Variants in NAB1 observed in about 807,000 individuals in gnomAD.
NAB1 encodes the protein NGFI-A-binding protein 1.
In NAB1, 25 loss-of-function variants were observed where a neutral mutation model predicts 49.9. The observed-to-expected ratio is 0.50, with a 90% CI of 0.37 to 0.70. The LOEUF (loss-of-function observed/expected upper bound fraction) is 0.70. Ranked by LOEUF, NAB1 falls within the 30% of genes least tolerant of loss-of-function variation. The probability of loss-of-function intolerance (pLI) is 0.00; values close to 1 mark genes in which losing one functional copy is unlikely to be tolerated. For missense variants in NAB1, 489 were observed against 575.9 expected (o/e 0.85, Z 1.54); for synonymous variants, 198 against 215.6 (o/e 0.92, Z 0.71).
At chr2:190,656,358 C>T (rs1299097682) in intron 3 of NAB1, among the ~76,000 whole-genome samples, 3 of 152,154 alleles carry the variant, frequency 2.0e-5, no homozygotes, top group Non-Finnish European at 1.5e-5. Flanking sequence ...TTTCAAATCA[C>T]ATCAAGTTCA....
At chr2:190,671,461 C>T (rs1016719200) in intron 5 of NAB1, among the ~76,000 whole-genome samples, 1 of 152,068 alleles carries the variant, frequency 6.6e-6, no homozygotes, top group Admixed American at 6.6e-5. Context: ...TAAGAATATA[C>T]AGCAACATTC....
At chr2:190,661,501 G>A (rs1166764802) in intron 4 of NAB1, among the ~76,000 whole-genome samples, 2 of 152,002 alleles carry the variant, frequency 1.3e-5, no homozygotes, top group Non-Finnish European at 2.9e-5. Context: ...AAGTTGAGTC[G>A]AAATACATGT....
chr2:190,682,166 G>T lies in NAB1; in HGVS notation c.1006-1572G>T, dbSNP rs550868435. Among the ~76,000 whole-genome samples, 2 of 152,316 alleles carry T rather than the reference G, an allele frequency of 1.3e-5. No homozygotes were observed. The highest frequency in any genetic ancestry group is 3.9e-4 in the East Asian group (2 of 5,184). ...GTAATTTAAGTTGAAGTTTTATCCA[G>T]TGCCCCCAGATAGGCCCTATTTATT... On this transcript the variant is annotated intron_variant, in intron 6 of 9. Transcript: ENST00000337386. This position sits in a 1 kb window ranked among gnomAD's most constrained non-coding sequence, Gnocchi z 4.1.
At position 190,654,420 on chromosome 2, in the gene NAB1, A is replaced by C. The variant is rs369411854; in HGVS notation, c.-196-1557A>C. Among the ~76,000 whole-genome samples, 6 of 152,296 alleles carry C rather than the reference A, an allele frequency of 3.9e-5. No individual in the cohort carries two copies. Among genetic ancestry groups the C allele is most frequent in the Admixed American group, 1.3e-4 (2 of 15,292 alleles). ...AGACAAAGTGTTGCGGGGTTCAGAGAAGGGAGATGACAGCTGCAGCCAGGG... is the reference window on the plus strand; with the variant it reads ...AGACAAAGTGTTGCGGGGTTCAGAGCAGGGAGATGACAGCTGCAGCCAGGG... On this transcript the variant is annotated intron_variant, in intron 2 of 9. Coordinates refer to ENST00000337386, the MANE Select transcript of NAB1 (RefSeq NM_005966.4). The surrounding 1 kb of genome is among the most constrained non-coding windows in gnomAD (Gnocchi z 5.6).
Position 190,669,911 on chromosome 2 carries a change from G to C in NAB1, c.820-415G>C, listed in dbSNP as rs1694718381. 6.6e-6 allele frequency among the ~76,000 whole-genome samples: 1 copy of C among 152,096 alleles called. No homozygotes were observed. Among genetic ancestry groups the C allele is most frequent in the South Asian group, 2.1e-4 (1 of 4,830 alleles). The stretch of plus-strand genomic sequence containing the variant: ...TTGATTCCTTTTTAAGAATTTTCAT[G>C]TCAGTTCATAAAAAATCTGTCAGAC... On this transcript the variant is annotated intron_variant, in intron 4 of 9. Coordinates refer to ENST00000337386, the MANE Select transcript of NAB1 (RefSeq NM_005966.4). The surrounding 1 kb of genome is among the most constrained non-coding windows in gnomAD (Gnocchi z 4.3).
At position 190,682,442 on chromosome 2, in the gene NAB1, A is replaced by G. The variant is rs1447992099; in HGVS notation, c.1006-1296A>G. Among the ~76,000 whole-genome samples the G allele has an allele frequency of 1.3e-5, 2 of 152,212 alleles. No homozygotes were observed. The highest frequency in any genetic ancestry group is 2.9e-5 in the Non-Finnish European group (2 of 68,040). ...TCCATTTCCTGTCATAGGTTATGAT[A>G]AAGGTGAAATCGCAAGCCAACATGA... On this transcript the variant is annotated intron_variant, in intron 6 of 9. Transcript: ENST00000337386. This position sits in a 1 kb window ranked among gnomAD's most constrained non-coding sequence, Gnocchi z 4.1.
Position 190,649,888 on chromosome 2 carries a change from C to A in NAB1, c.-291C>A. On this transcript the variant is annotated 5_prime_UTR_variant, in exon 2 of 10. Transcript: ENST00000337386. This position sits in a 1 kb window ranked among gnomAD's most constrained non-coding sequence, Gnocchi z 6.1. ...ATGGAAGTGGCTTACAGAAACTTGGCGCTGAGGTGCAGGGAAGCCAGAAAC... is the reference window on the plus strand; with the variant it reads ...ATGGAAGTGGCTTACAGAAACTTGGAGCTGAGGTGCAGGGAAGCCAGAAAC... 1 of 152,280 alleles carries A rather than the reference C, an allele frequency of 6.6e-6. No individual in the cohort carries two copies. 9.4% of individuals were successfully genotyped at this position (152,280 alleles called of 1,614,324 possible). A position where few individuals can be genotyped will look rare whatever the true frequency, so the allele number is the denominator to read the frequency against.
chr2:190,663,859 T>C lies in NAB1; in HGVS notation c.819+3864T>C, dbSNP rs1466717902. The stretch of plus-strand genomic sequence containing the variant: ...CAATTTTAATTATTTTTATGATTTC[T>C]GACCATGTGTTATTTAAAAGTGTTT... On this transcript the variant is annotated intron_variant, in intron 4 of 9. Transcript: ENST00000337386. The surrounding 1 kb of genome is among the most constrained non-coding windows in gnomAD (Gnocchi z 4.2). Among the ~76,000 whole-genome samples the C allele has an allele frequency of 1.3e-5, 2 of 152,230 alleles. No homozygotes were observed. Among genetic ancestry groups the C allele is most frequent in the Non-Finnish European group, 2.9e-5 (2 of 68,038 alleles).
chr2:190,658,692 C>T (rs904568838), intron 3 of NAB1, among the ~76,000 whole-genome samples: 1 of 152,166 alleles, frequency 6.6e-6, no homozygotes, highest in Non-Finnish European at 1.5e-5. Flanking sequence ...ATAACTGTAC[C>T]TGTGTCACAG....
At chr2:190,653,083 G>A (rs1304025839) in intron 2 of NAB1, among the ~76,000 whole-genome samples, 1 of 152,182 alleles carries the variant, frequency 6.6e-6, no homozygotes, top group Non-Finnish European at 1.5e-5. Flanking sequence ...CCCTGACACA[G>A]AGGCTCATCC....
rs1216342754 is a variant in NAB1 at position 190,682,920 on chromosome 2, T to A, written c.1006-818T>A. 6.6e-6 allele frequency among the ~76,000 whole-genome samples: 1 copy of A among 152,174 alleles called. No individual in the cohort carries two copies. The highest frequency in any genetic ancestry group is 1.9e-4 in the East Asian group (1 of 5,200). Reference sequence around the variant, plus strand: ...ACAAAAATATCATCTCTGCAGTAATTCTGCTTCTGGGAATCTTTTGTAGTA... The same window carrying A: ...ACAAAAATATCATCTCTGCAGTAATACTGCTTCTGGGAATCTTTTGTAGTA... On this transcript the variant is annotated intron_variant, in intron 6 of 9. Coordinates refer to ENST00000337386, the MANE Select transcript of NAB1 (RefSeq NM_005966.4). The surrounding 1 kb of genome is among the most constrained non-coding windows in gnomAD (Gnocchi z 4.1).
chr2:190,689,557 C>T lies in NAB1; in HGVS notation c.1376-688C>T, dbSNP rs996873223. Among the ~76,000 whole-genome samples the T allele has an allele frequency of 2.6e-5, 4 of 152,026 alleles. No homozygotes were observed. Among genetic ancestry groups the T allele is most frequent in the Admixed American group, 2.0e-4 (3 of 15,278 alleles). ...TGTATATGTGTGTGTACATATCTCCCAGTATTTGTACTTTACATAAAGGTT... is the reference window on the plus strand; with the variant it reads ...TGTATATGTGTGTGTACATATCTCCTAGTATTTGTACTTTACATAAAGGTT... On this transcript the variant is annotated intron_variant, in intron 9 of 9. Transcript: ENST00000337386. This position sits in a 1 kb window ranked among gnomAD's most constrained non-coding sequence, Gnocchi z 4.3.
Position 190,675,894 on chromosome 2 carries a change from A to G in NAB1, c.1005+2742A>G, listed in dbSNP as rs1695045801. ...TGTGTGTATGTATACCTACACATGT[A>G]GATGGTGTAATCCTTTGCAAAATAT... On this transcript the variant is annotated intron_variant, in intron 6 of 9. Transcript: ENST00000337386. This position sits in a 1 kb window ranked among gnomAD's most constrained non-coding sequence, Gnocchi z 5.2. 2.0e-5 allele frequency among the ~76,000 whole-genome samples: 3 copies of G among 152,168 alleles called. No homozygotes were observed. Among genetic ancestry groups the G allele is most frequent in the African/African-American group, 7.2e-5 (3 of 41,436 alleles).
In NAB1 at chr2:190,678,048, G is replaced by T. The variant is rs1306247167; in HGVS notation, c.1005+4896G>T. On this transcript the variant is annotated intron_variant, in intron 6 of 9. Transcript: ENST00000337386. This position sits in a 1 kb window ranked among gnomAD's most constrained non-coding sequence, Gnocchi z 4.9. ...AGTTTTGAGTAGAAAATTTAACAAT[G>T]TAAATTACAAAATATTTAAATATAA... 6.6e-6 allele frequency among the ~76,000 whole-genome samples: 1 copy of T among 152,186 alleles called. No homozygotes were observed. The highest frequency in any genetic ancestry group is 6.5e-5 in the Admixed American group (1 of 15,288).
In NAB1 at chr2:190,675,337, A is replaced by G. The variant is rs1307511847; in HGVS notation, c.1005+2185A>G. ...ATTGAAATTTGTGATCATGAATCTCATGGACTGTTTGAGCTGCAGTTGTTT... is the reference window on the plus strand; with the variant it reads ...ATTGAAATTTGTGATCATGAATCTCGTGGACTGTTTGAGCTGCAGTTGTTT... On this transcript the variant is annotated intron_variant, in intron 6 of 9. Transcript: ENST00000337386. The surrounding 1 kb of genome is among the most constrained non-coding windows in gnomAD (Gnocchi z 5.2). Among the ~76,000 whole-genome samples, 1 of 151,998 alleles carries G rather than the reference A, an allele frequency of 6.6e-6. No homozygotes were observed. The highest frequency in any genetic ancestry group is 1.5e-5 in the Non-Finnish European group (1 of 67,944).
intron 4 of NAB1, among the ~76,000 whole-genome samples, chr2:190,668,931 TAAC>T (rs1438283276): frequency 6.6e-6 from 1 of 152,174 alleles, no homozygotes; most frequent in East Asian, 1.9e-4. Context: ...AGCAAGAGAT[TAAC>T]AACAATAACT....
Position 190,684,641 on chromosome 2 carries a change from A to G in NAB1, c.1095+814A>G, listed in dbSNP as rs1385513596. Among the ~76,000 whole-genome samples, 2 of 152,168 alleles carry G rather than the reference A, an allele frequency of 1.3e-5. No homozygotes were observed. Among genetic ancestry groups the G allele is most frequent in the Admixed American group, 1.3e-4 (2 of 15,278 alleles). On this transcript the variant is annotated intron_variant, in intron 7 of 9. Transcript: ENST00000337386. This position sits in a 1 kb window ranked among gnomAD's most constrained non-coding sequence, Gnocchi z 4.6. The stretch of plus-strand genomic sequence containing the variant: ...CCTACTGATTTTTACATTGTGAATC[A>G]GGGCATTTTGTAACCAATTTTATAT...
At position 190,677,522 on chromosome 2, in the gene NAB1, A is replaced by C. The variant is rs1695131590; in HGVS notation, c.1005+4370A>C. The C allele has an allele frequency of 6.6e-6, 1 of 152,250 alleles. No homozygotes were observed. Among genetic ancestry groups the C allele is most frequent in the Admixed American group, 6.5e-5 (1 of 15,284 alleles). The allele number at this position is 152,250 out of a possible 1,614,324, so 9.4% of individuals were successfully genotyped here. The stretch of plus-strand genomic sequence containing the variant: ...CCCTCTGTGAGTCCACTTTCAGCTG[A>C]AATGAAAATAGATTTTGTTTATTCT... On this transcript the variant is annotated intron_variant, in intron 6 of 9. Coordinates refer to ENST00000337386, the MANE Select transcript of NAB1 (RefSeq NM_005966.4). This position sits in a 1 kb window ranked among gnomAD's most constrained non-coding sequence, Gnocchi z 5.6.
At chr2:190,665,867 G>A (rs1694489731) in intron 4 of NAB1, among the ~76,000 whole-genome samples, 1 of 152,060 alleles carries the variant, frequency 6.6e-6, no homozygotes, top group African/African-American at 2.4e-5. Flanking sequence ...GCCTTACATT[G>A]GGTGTGTGTG....
Sources: allele counts gnomAD v4.1 joint callset (sites outside exome capture counted in the v4.1 genomes callset), GRCh38; gene constraint gnomAD v4.1.1; non-coding constraint Gnocchi (gnomAD v3.1); transcripts MANE v1.5; gene names NCBI Gene and HGNC (gene_info 2026-07-23, HGNC 2026-07-21).